The following FNDC3A variants were observed in gnomAD, a reference collection of about 807,000 sequenced individuals.
FNDC3A encodes fibronectin type-III domain-containing protein 3A.
In FNDC3A, 32 loss-of-function variants were observed where a neutral mutation model predicts 148.9. The observed-to-expected ratio is 0.21, with a 90% confidence interval of 0.16 to 0.29. The LOEUF is 0.29. Among genes scored for constraint, FNDC3A ranks in the 10% least tolerant of loss-of-function variants. FNDC3A has a pLI of 1.00. For missense variants in FNDC3A, 1,191 were observed against 1,452.8 expected (o/e 0.82, Z 2.93); for synonymous variants, 472 against 473.6 (o/e 1.00, Z 0.04).
intron 2 of FNDC3A, among the ~76,000 whole-genome samples, chr13:49,030,511 C>G (rs545142175): frequency 6.6e-6 from 1 of 152,220 alleles, no homozygotes; most frequent in East Asian, 1.9e-4. Context: ...TACTGGAAGT[C>G]CTAGCCTGGG....
chr13:49,089,915 C>T (rs959260823), intron 3 of FNDC3A, among the ~76,000 whole-genome samples: 2 of 152,044 alleles, frequency 1.3e-5, no homozygotes, highest in African/African-American at 2.4e-5. Flanking sequence ...TCATAAATTA[C>T]GGTACAAAGA....
intron 2 of FNDC3A, among the ~76,000 whole-genome samples, chr13:49,013,826 C>G (rs1379199426): frequency 6.7e-6 from 1 of 149,398 alleles, no homozygotes; most frequent in African/African-American, 2.5e-5. Context: ...CAATTCCCAC[C>G]TATGAGTGAG....
At chr13:49,074,681 AG>A (rs1343446254) in intron 2 of FNDC3A, among the ~76,000 whole-genome samples, 2 of 152,182 alleles carry the variant, frequency 1.3e-5, no homozygotes, top group Non-Finnish European at 1.5e-5. Flanking sequence ...CTAGAATTTA[AG>A]GGAGAATTAA....
At chr13:49,203,317 A>G (rs772219755) in intron 25 of FNDC3A, 33 bp downstream of exon 25, 42 of 1,511,928 alleles carry the variant, frequency 2.8e-5, no homozygotes, top group Non-Finnish European at 3.6e-5. Flanking sequence ...GTGGATGCAT[A>G]TTTTTACCCT....
At chr13:49,013,990 T>G (rs1330665650) in intron 2 of FNDC3A, among the ~76,000 whole-genome samples, 1 of 149,012 alleles carries the variant, frequency 6.7e-6, no homozygotes, top group Admixed American at 6.7e-5. Flanking sequence ...CTTAATCCAG[T>G]CTATCATTGT....
At chr13:49,014,971 T>C (rs1952459937) in intron 2 of FNDC3A, among the ~76,000 whole-genome samples, 1 of 151,712 alleles carries the variant, frequency 6.6e-6, no homozygotes, top group African/African-American at 2.4e-5. Context: ...TCTGTTTTGG[T>C]ACCAGTACCA....
intron 2 of FNDC3A, among the ~76,000 whole-genome samples, chr13:49,037,107 T>G (rs1453808137): frequency 6.6e-6 from 1 of 152,246 alleles, no homozygotes; most frequent in Non-Finnish European, 1.5e-5. Flanking sequence ...CTCTTTCATG[T>G]GCGTCCACTT....
At chr13:49,102,596 C>T (rs1159972) in intron 3 of FNDC3A, among the ~76,000 whole-genome samples, 21,992 of 152,116 alleles carry the variant, frequency 0.14, 2,169 homozygotes, top group Non-Finnish European at 0.21. Flanking sequence ...GTGTTAGTGA[C>T]GTGGTCACTA....
At chr13:49,086,462 A>G (rs1274644801) in intron 3 of FNDC3A, among the ~76,000 whole-genome samples, 3 of 152,206 alleles carry the variant, frequency 2.0e-5, no homozygotes, top group Non-Finnish European at 2.9e-5. Context: ...CTAATTACAT[A>G]CCATGTCTTA....
intron 2 of FNDC3A, among the ~76,000 whole-genome samples, chr13:49,035,316 T>C (rs1037270451): frequency 1.3e-5 from 2 of 152,040 alleles, no homozygotes; most frequent in Non-Finnish European, 2.9e-5. Context: ...TAGTTGCATA[T>C]GTATACACTG....
chr13:49,174,887 A>G (rs1375097210), intron 12 of FNDC3A, among the ~76,000 whole-genome samples: 1 of 152,194 alleles, frequency 6.6e-6, no homozygotes, highest in African/African-American at 2.4e-5. Flanking sequence ...GAACATCTAA[A>G]ATACCCAATT....
intron 8 of FNDC3A, among the ~76,000 whole-genome samples, chr13:49,158,065 G>A (rs564205809): frequency 1.1e-4 from 17 of 152,120 alleles, no homozygotes; most frequent in African/African-American, 2.4e-4. Context: ...CGAGCTTCCC[G>A]GCTGCTTTGT....
intron 4 of FNDC3A, among the ~76,000 whole-genome samples, chr13:49,129,477 G>T (rs1269175432): frequency 9.9e-5 from 15 of 152,140 alleles, no homozygotes; most frequent in South Asian, 2.1e-4. Flanking sequence ...AATGAGTATT[G>T]TGACAGATAC....
intron 1 of FNDC3A, among the ~76,000 whole-genome samples, chr13:48,979,113 A>C (rs151326591): frequency 2.0e-5 from 3 of 152,112 alleles, no homozygotes; most frequent in Non-Finnish European, 4.4e-5. Flanking sequence ...CCAATCACTT[A>C]TCACCCATTA....
In FNDC3A at chr13:49,176,061, G is replaced by GT. The variant is rs1189890696; in HGVS notation, c.1530+525dup. ...TAGGGATGAAGCCAACTTGATCATG[G>GT]TTTTTCGATGTGCTGCTGGATTCAA... On this transcript the variant is annotated intron_variant, in intron 13 of 25. Coordinates refer to ENST00000492622, the MANE Select transcript of FNDC3A (RefSeq NM_001079673.2). Among the ~76,000 whole-genome samples, 8 of 152,258 alleles carry GT rather than the reference G, an allele frequency of 5.3e-5. No homozygotes were observed. The East Asian group carries it at 1.5e-3, about 29-fold the overall frequency.
rs571520268 is a variant in FNDC3A, at chr13:49,167,445, G to A, written c.1037+142G>A. ...AGACTTTGTGGGCTGGGCGCAGTGC[G>A]CCCGTAATCCCAGCACTTTGGGTGG... On this transcript the variant is annotated intron_variant, in intron 9 of 25. Transcript: ENST00000492622. 21 of 554,662 alleles carry A rather than the reference G, an allele frequency of 3.8e-5. No homozygotes were observed. In the South Asian group the frequency reaches 6.6e-4, roughly 17 times the overall value. The allele number at this position is 554,662 out of a possible 1,614,324, so 34.4% of individuals were successfully genotyped here. A position where few individuals can be genotyped will look rare whatever the true frequency, so the allele number is the denominator to read the frequency against.
At chr13:49,195,855 CTTG>C (rs1169512769) in intron 19 of FNDC3A, among the ~76,000 whole-genome samples, 2 of 152,070 alleles carry the variant, frequency 1.3e-5, no homozygotes, top group African/African-American at 4.8e-5. Context: ...AGGAGGACCA[CTTG>C]TGCCCAGGAG....
intron 8 of FNDC3A, among the ~76,000 whole-genome samples, chr13:49,152,402 G>A (rs752093555): frequency 1.1e-4 from 16 of 151,978 alleles, no homozygotes; most frequent in Non-Finnish European, 1.6e-4. Flanking sequence ...CATATCCTTC[G>A]CCCACTTTTT....
At chr13:49,082,631 C>T (rs993072890) in intron 3 of FNDC3A, among the ~76,000 whole-genome samples, 6 of 151,960 alleles carry the variant, frequency 3.9e-5, no homozygotes, top group African/African-American at 1.4e-4. Context: ...ATAGGCAGTG[C>T]ACTAGTGGGA....
Sources: allele counts gnomAD v4.1 joint callset (sites outside exome capture counted in the v4.1 genomes callset), GRCh38; gene constraint gnomAD v4.1.1; transcripts MANE v1.5; gene names NCBI Gene and HGNC (gene_info 2026-07-23, HGNC 2026-07-21).